DOCK9: variants seen among roughly 807,000 people sequenced by gnomAD.
DOCK9 encodes dedicator of cytokinesis 9.
In DOCK9, 89 loss-of-function variants were observed where a neutral mutation model predicts 263.3. The observed-to-expected ratio is 0.34, with a 90% CI of 0.28 to 0.40. The LOEUF (loss-of-function observed/expected upper bound fraction) is 0.40, where lower values mean the gene tolerates loss of function less well. Among genes scored for constraint, DOCK9 ranks in the 10% least tolerant of loss-of-function variants. The pLI is 1.00. For missense variants in DOCK9, 2,140 were observed against 2,603.4 expected, an observed-to-expected ratio of 0.82 and a Z score of 3.87; for synonymous variants, 976 against 973.1, an observed-to-expected ratio of 1.00 and a Z score of -0.06.
intron 45 of DOCK9, among the ~76,000 whole-genome samples, chr13:98,823,697 G>A (rs146825036): frequency 6.6e-6 from 1 of 152,244 alleles, no homozygotes; most frequent in Non-Finnish European, 1.5e-5. Flanking sequence ...GAGTGAATGA[G>A]TGAATGCCAG....
chr13:99,064,461 A>G (rs566567704), intron 1 of DOCK9, among the ~76,000 whole-genome samples: 1 of 152,266 alleles, frequency 6.6e-6, no homozygotes, highest in East Asian at 1.9e-4. Flanking sequence ...TAATTTATCA[A>G]TCCATGCAGT....
At chr13:99,044,190 G>A (rs77945216) in intron 1 of DOCK9, among the ~76,000 whole-genome samples, 2,397 of 152,268 alleles carry the variant, frequency 0.016, 61 homozygotes, top group African/African-American at 0.054. Flanking sequence ...CCAACCCTGT[G>A]TATTCACTGC....
At chr13:98,860,011 T>C (rs1352013621) in intron 33 of DOCK9, 5 of 230,380 alleles carry the variant, frequency 2.2e-5, no homozygotes, top group Non-Finnish European at 3.0e-5. Context: ...TGCTACGTTC[T>C]TCTGGAATTA....
At chr13:98,938,694 C>G (rs548510820) in intron 2 of DOCK9, among the ~76,000 whole-genome samples, 21 of 127,744 alleles carry the variant, frequency 1.6e-4, no homozygotes, top group Non-Finnish European at 2.8e-4. Context: ...CTAACCCTCT[C>G]AACTCATGGC....
At chr13:99,003,752 A>AC (rs547223962) in intron 1 of DOCK9, among the ~76,000 whole-genome samples, 25 of 151,522 alleles carry the variant, frequency 1.6e-4, no homozygotes, top group African/African-American at 5.1e-4. Context: ...ATCACCTGTG[A>AC]CCCCCCAATG....
chr13:99,017,682 G>A (rs1885593981), intron 1 of DOCK9, among the ~76,000 whole-genome samples: 1 of 152,170 alleles, frequency 6.6e-6, no homozygotes, highest in South Asian at 2.1e-4. Flanking sequence ...CACACTGGAA[G>A]AAGAATAATT....
rs1207040871 is a variant in DOCK9 at position 98,837,572 on chromosome 13, T to C, written c.4236A>G (p.Ser1412=). 8.1e-6 allele frequency: 13 copies of C among 1,613,610 alleles called. No homozygotes were observed. Among genetic ancestry groups the C allele is most frequent in the Non-Finnish European group, 1.1e-5 (13 of 1,179,758 alleles). The change falls in exon 39 of 53, where the codon TCA becomes TCG. Residue 1412 remains serine, a synonymous_variant. Coordinates refer to ENST00000682017, the MANE Select transcript of DOCK9 (RefSeq NM_001366683.2). ...GHSDADVLHQ[S]LLEANIATEV... is the part of the protein sequence containing the mutation. ...CAGTAGCAATGTTGGCTTCAAGTAA[T>C]GACTGGTGCAGAACATCTGCGTCCG...
chr13:99,042,693 C>A (rs1888578297), intron 1 of DOCK9, among the ~76,000 whole-genome samples: 1 of 152,174 alleles, frequency 6.6e-6, no homozygotes, highest in South Asian at 2.1e-4. Context: ...CAGGCGTTTA[C>A]ATTTTTAGAC....
At chr13:99,011,824 GTTTA>G (rs965025516) in intron 1 of DOCK9, among the ~76,000 whole-genome samples, 26 of 152,140 alleles carry the variant, frequency 1.7e-4, no homozygotes, top group African/African-American at 5.5e-4. Flanking sequence ...TTCTTTTTTT[GTTTA>G]TTTGTTTGTC....
rs1193852352 is a variant in DOCK9, at chr13:98,825,071, G to GTGGC, written c.5024-571_5024-568dup. On this transcript the variant is annotated intron_variant, in intron 44 of 52. Transcript: ENST00000682017. This position sits in a 1 kb window ranked among gnomAD's most constrained non-coding sequence, Gnocchi z 4.1. ...TCCCACCCCAGAGGCCCCGGGGTGG[G>GTGGC]TGGCTGGCTGCATCAACAGAGGGCA... Among the ~76,000 whole-genome samples, 4 of 152,270 alleles carry GTGGC rather than the reference G, an allele frequency of 2.6e-5. No homozygotes were observed. Among genetic ancestry groups the GTGGC allele is most frequent in the Admixed American group, 6.5e-5 (1 of 15,300 alleles).
intron 1 of DOCK9, among the ~76,000 whole-genome samples, chr13:98,972,136 G>A (rs191606752): frequency 1.1e-3 from 167 of 152,314 alleles, no homozygotes; most frequent in Admixed American, 3.9e-3. Context: ...CTTTGAGCAA[G>A]AGGAAACTGT....
chr13:98,949,802 A>G, intron 2 of DOCK9: 1 of 464,304 alleles, frequency 2.2e-6, no homozygotes, highest in Non-Finnish European at 4.2e-6. Context: ...TATTCTTGGT[A>G]GCATGATGGG....
intron 9 of DOCK9, among the ~76,000 whole-genome samples, chr13:98,906,041 C>G (rs183971594): frequency 6.6e-6 from 1 of 151,964 alleles, no homozygotes; most frequent in Non-Finnish European, 1.5e-5. Context: ...TCCATGAACA[C>G]GACAGAAAAC....
chr13:99,030,718 C>T (rs9517557), intron 1 of DOCK9, among the ~76,000 whole-genome samples: 79,499 of 151,944 alleles, frequency 0.52, 21,076 homozygotes, highest in South Asian at 0.68. Flanking sequence ...TAATTGACCA[C>T]TGGCATCAAA....
intron 2 of DOCK9, among the ~76,000 whole-genome samples, chr13:98,944,622 T>C (rs935406413): frequency 1.1e-4 from 17 of 152,296 alleles, no homozygotes; most frequent in African/African-American, 4.1e-4. Context: ...TACAGTCCTA[T>C]GCCAGGGCAC....
intron 50 of DOCK9, among the ~76,000 whole-genome samples, chr13:98,798,975 A>C (rs1420334238): frequency 6.6e-6 from 1 of 152,202 alleles, no homozygotes; most frequent in Non-Finnish European, 1.5e-5. Flanking sequence ...TAGGGGCTGG[A>C]TGTTCCAAGA....
intron 27 of DOCK9, among the ~76,000 whole-genome samples, chr13:98,876,213 T>C (rs535444101): frequency 2.0e-4 from 30 of 152,332 alleles, no homozygotes; most frequent in African/African-American, 7.0e-4. Flanking sequence ...TTCCCTTGGC[T>C]GGGCGCGGTG....
intron 4 of DOCK9, among the ~76,000 whole-genome samples, chr13:98,924,271 C>T (rs7995846): frequency 0.63 from 96,389 of 152,040 alleles, 31,248 homozygotes; most frequent in Middle Eastern, 0.77. Flanking sequence ...GGGAATTGGC[C>T]GAACATTCTT....
intron 45 of DOCK9, among the ~76,000 whole-genome samples, chr13:98,822,497 G>A (rs1224714905): frequency 6.6e-6 from 1 of 152,176 alleles, no homozygotes; most frequent in African/African-American, 2.4e-5. Flanking sequence ...GTACACTCCA[G>A]AGGTCTGACT....
Sources: gnomAD v4.1 joint callset for allele counts (sites outside exome capture counted in the v4.1 genomes callset) on GRCh38, gnomAD v4.1.1 for gene constraint, Gnocchi (gnomAD v3.1) non-coding constraint, MANE v1.5 for transcripts, NCBI Gene and HGNC (gene_info 2026-07-23, HGNC 2026-07-21) for gene names.